Variants in AGAP6 observed in about 807,000 individuals in gnomAD.
AGAP6 encodes the protein arf-GAP with GTPase, ANK repeat and PH domain-containing protein 6.
In AGAP6, 29 loss-of-function variants were observed where a neutral mutation model predicts 63.9. The ratio of observed to expected loss-of-function variants is 0.45; its 90% CI spans 0.34 to 0.62. The LOEUF is 0.62. Among genes scored for constraint, AGAP6 ranks in the 20% least tolerant of loss-of-function variants. The pLI is 0.01. For missense variants in AGAP6, 493 were observed against 884.9 expected (o/e 0.56, Z 5.62); for synonymous variants, 199 against 332.9 (o/e 0.60, Z 4.38).
chr10:49,989,145 C>T (rs1395604295), intron 1 of AGAP6, among the ~76,000 whole-genome samples, 163 bp from the exon 2 acceptor site: 1 of 151,604 alleles, frequency 6.6e-6, no homozygotes, highest in African/African-American at 2.4e-5. Context: ...CTTTTCGCCT[C>T]CCCTCCCAAT....
chr10:50,005,687 G>T (rs190636033), intron 6 of AGAP6, among the ~76,000 whole-genome samples: 4 of 151,692 alleles, frequency 2.6e-5, no homozygotes, highest in Non-Finnish European at 5.9e-5. Flanking sequence ...TTGGGAGGCC[G>T]AGGTGGGTGG....
rs1429551300 is a variant in AGAP6, at chr10:50,009,557, C to A, written c.1432C>A (p.His478Asn). 1.9e-6 allele frequency: 3 copies of A among 1,613,742 alleles called. No homozygotes were observed. The highest frequency in any genetic ancestry group is 2.7e-5 in the African/African-American group (2 of 74,914). The change falls in exon 8 of 8, where the codon CAC becomes AAC. Residue 478 changes from histidine (H) to asparagine (N), a missense_variant. Physicochemically the swap from His to Asn is moderately conservative, Grantham distance 68. This residue lies in a region of AGAP6 where 14 missense variants were observed against 28.6 expected (regional missense o/e 0.49). Coordinates refer to ENST00000412531, the MANE Select transcript of AGAP6 (RefSeq NM_001077665.3). ...GATCCAAAACATGCGTGGGAACGCCCACTGTGTGGACTGTGAGACCCAGAA... is the reference window on the plus strand; with the variant it reads ...GATCCAAAACATGCGTGGGAACGCCAACTGTGTGGACTGTGAGACCCAGAA... ...QSIQNMRGNA[H>N]CVDCETQNPK...
At chr10:49,996,954 G>A (rs1294865362) in intron 4 of AGAP6, among the ~76,000 whole-genome samples, 4 of 145,932 alleles carry the variant, frequency 2.7e-5, no homozygotes, top group Non-Finnish European at 6.0e-5. Flanking sequence ...TCAACCTTCT[G>A]TGCTGGTCAT....
Position 50,001,961 on chromosome 10 carries a change from T to C in AGAP6, c.397-35T>C, listed in dbSNP as rs184344297. 11 of 1,608,684 alleles carry C rather than the reference T, an allele frequency of 6.8e-6. No individual in the cohort carries two copies. The African/African-American group carries it at 8.0e-5, about 12-fold the overall frequency. On this transcript the variant is annotated intron_variant, in intron 4 of 7. Coordinates refer to ENST00000412531, the MANE Select transcript of AGAP6 (RefSeq NM_001077665.3). The stretch of plus-strand genomic sequence containing the variant: ...TTTTAACTGAGAAAATAATACACTT[T>C]GATAAGTTTGACTTACAGTTCCCTT...
chr10:49,989,903 T>C (rs533493989), intron 2 of AGAP6, among the ~76,000 whole-genome samples: 1 of 152,334 alleles, frequency 6.6e-6, no homozygotes, highest in East Asian at 1.9e-4. Context: ...ACAGAAAATG[T>C]GTCTCCAGAT....
intron 3 of AGAP6, among the ~76,000 whole-genome samples, chr10:49,992,424 T>C (rs1589084698): frequency 6.6e-6 from 1 of 152,194 alleles, no homozygotes; most frequent in Non-Finnish European, 1.5e-5. Context: ...GAGGGTTCTA[T>C]AATAATGTGC....
intron 4 of AGAP6, among the ~76,000 whole-genome samples, chr10:49,994,852 C>G (rs1345655969): frequency 1.3e-5 from 2 of 151,320 alleles, no homozygotes; most frequent in East Asian, 1.9e-4. Flanking sequence ...ATCTCAGCTA[C>G]TCAGGAGGCT....
At chr10:49,991,484 C>T (rs1218892966) in intron 2 of AGAP6, among the ~76,000 whole-genome samples, 192 bp from the exon 3 acceptor site, 2 of 150,786 alleles carry the variant, frequency 1.3e-5, no homozygotes, top group African/African-American at 2.4e-5. Context: ...CCCATCTCAG[C>T]CTCCTGAGTA....
intron 4 of AGAP6, among the ~76,000 whole-genome samples, chr10:50,001,309 G>T (rs371983719): frequency 4.7e-5 from 7 of 150,336 alleles, no homozygotes; most frequent in Admixed American, 1.3e-4. Flanking sequence ...CAGCCTGGGC[G>T]ACAGAGCGAG....
In AGAP6 at chr10:50,009,437, A is replaced by T; in HGVS notation, c.1312A>T (p.Ile438Phe). The T allele has an allele frequency of 6.2e-7, 1 of 1,613,706 alleles. No individual in the cohort carries two copies. The highest frequency in any genetic ancestry group is 8.5e-7 in the Non-Finnish European group (1 of 1,180,022). Reference protein sequence around the residue: ...YEERDAWVQAIQSQILASLQS... With the variant: ...YEERDAWVQAFQSQILASLQS... ...GGAGCGGGATGCCTGGGTCCAAGCC[A>T]TCCAGAGCCAGATCCTGGCCAGCCT... The change falls in exon 8 of 8, where the codon ATC becomes TTC. Residue 438 changes from isoleucine (I) to phenylalanine (F), a missense_variant. This residue lies in a region of AGAP6 where 7 missense variants were observed against 63.1 expected (regional missense o/e 0.11). Coordinates refer to ENST00000412531, the MANE Select transcript of AGAP6 (RefSeq NM_001077665.3).
intron 4 of AGAP6, among the ~76,000 whole-genome samples, chr10:49,997,240 T>TTTCC (rs1176841041): frequency 6.6e-6 from 1 of 151,984 alleles, no homozygotes; most frequent in African/African-American, 2.4e-5. Context: ...ATGGAGCTGT[T>TTTCC]TTCCTGAATG....
chr10:50,005,383 A>G (rs1258870015), intron 6 of AGAP6, among the ~76,000 whole-genome samples: 3 of 152,268 alleles, frequency 2.0e-5, no homozygotes, highest in African/African-American at 4.8e-5. Context: ...AGGCTGAGGC[A>G]GGCGGATCAC....
rs1554864492 is a variant in AGAP6, at chr10:50,008,780, C to A, written c.655C>A (p.Pro219Thr). The A allele has an allele frequency of 1.2e-6, 2 of 1,614,040 alleles. No individual in the cohort carries two copies. The highest frequency in any genetic ancestry group is 2.7e-5 in the African/African-American group (2 of 74,910). ...TTTAAATAACTATTCCTCCTCCATT[C>A]CATCGACTCCCAGCACCAGCCAGGA... The part of the protein sequence containing the change: ...GSLNNYSSSI[P>T]STPSTSQEDP... Residue 219 changes from proline (P) to threonine (T), a missense_variant, in exon 8 of 8, where the codon CCA (proline) becomes ACA (threonine). By Grantham distance (38) the Pro-to-Thr change is conservative. Around this residue, in one of 7 missense-constraint regions of AGAP6, gnomAD observed 342 missense variants for 533.4 expected, o/e 0.64. Transcript: ENST00000412531.
chr10:49,996,021 A>G (rs1841472497), intron 4 of AGAP6, among the ~76,000 whole-genome samples: 1 of 151,972 alleles, frequency 6.6e-6, no homozygotes, highest in Non-Finnish European at 1.5e-5. Context: ...CCTGCAGACT[A>G]TCTCTTCTTG....
intron 2 of AGAP6, among the ~76,000 whole-genome samples, chr10:49,991,230 A>ACGATGAAT (rs1841261721): frequency 6.6e-6 from 1 of 151,780 alleles, no homozygotes; most frequent in Non-Finnish European, 1.5e-5. Flanking sequence ...AGTGACAGAT[A>ACGATGAAT]CGATGAATTT....
At chr10:49,991,392 T>TG (rs1335570762) in intron 2 of AGAP6, among the ~76,000 whole-genome samples, 5 of 149,766 alleles carry the variant, frequency 3.3e-5, no homozygotes, top group African/African-American at 7.3e-5. Context: ...CTGTTTTTTT[T>TG]TTTTTTTTTT....
intron 4 of AGAP6, among the ~76,000 whole-genome samples, chr10:49,995,149 A>G (rs1223216651): frequency 1.3e-5 from 2 of 152,200 alleles, no homozygotes; most frequent in East Asian, 3.9e-4. Context: ...ATTGTAGCAC[A>G]CTTTTTAATT....
At position 50,007,890 on chromosome 10, in the gene AGAP6, G is replaced by T. The variant is rs546306371; in HGVS notation, c.534-135G>T. The T allele has an allele frequency of 6.5e-6, 10 of 1,529,676 alleles. No individual in the cohort carries two copies. In the Admixed American group the frequency reaches 7.3e-5, roughly 11 times the overall value. The allele number at this position is 1,529,676 out of a possible 1,614,324, so 94.8% of individuals were successfully genotyped here. ...AGTCAGGAAACCCTCTGCAAGTCAG[G>T]ATCCAATAGAAGAATTCATAAAAAC... On this transcript the variant is annotated intron_variant, in intron 6 of 7. Transcript: ENST00000412531.
At chr10:49,997,746 C>T (rs1442739311) in intron 4 of AGAP6, among the ~76,000 whole-genome samples, 15 of 150,500 alleles carry the variant, frequency 1.0e-4, no homozygotes, top group South Asian at 2.1e-4. Flanking sequence ...GAGCAGTATC[C>T]GCTGAACCCA....
Sources: gnomAD v4.1 joint callset for allele counts (sites outside exome capture counted in the v4.1 genomes callset) on GRCh38, gnomAD v4.1.1 for gene constraint, gnomAD v4.1.1 regional missense constraint, MANE v1.5 for transcripts, NCBI Gene and HGNC (gene_info 2026-07-23, HGNC 2026-07-21) for gene names.